The following CDH4 variants were observed in gnomAD, a reference collection of about 807,000 sequenced individuals.
The protein encoded by CDH4 is cadherin 4.
Under a neutral mutation model 86.0 loss-of-function variants are expected in CDH4, and 33 were observed. That is an observed-to-expected ratio of 0.38 (90% CI 0.29 to 0.51). The LOEUF (loss-of-function observed/expected upper bound fraction) is 0.51. CDH4 is among the 20% of genes least tolerant of loss of function. CDH4 has a pLI of 0.86. For synonymous variants in CDH4, 555 were observed against 549.4 expected (o/e 1.01, Z -0.14); for missense variants, 1,114 against 1,307.4 (o/e 0.85, Z 2.28).
intron 2 of CDH4, among the ~76,000 whole-genome samples, chr20:61,673,305 A>G (rs2087410750): frequency 6.6e-6 from 1 of 152,224 alleles, no homozygotes; most frequent in Non-Finnish European, 1.5e-5. Flanking sequence ...CGGCAGCTGC[A>G]GCATGAGTCC....
chr20:61,851,597 T>C (rs1487295942), intron 5 of CDH4, among the ~76,000 whole-genome samples: 2 of 152,160 alleles, frequency 1.3e-5, no homozygotes, highest in African/African-American at 2.4e-5. Context: ...TCGAGGGTGA[T>C]GTGGAGTTTT....
intron 8 of CDH4, among the ~76,000 whole-genome samples, chr20:61,898,737 C>G (rs1290755632): frequency 6.6e-6 from 1 of 152,214 alleles, no homozygotes; most frequent in Non-Finnish European, 1.5e-5. Flanking sequence ...TCCCGGCTTT[C>G]CACCTAGAAT....
intron 2 of CDH4, 70 bp downstream of exon 2, chr20:61,255,007 G>C (rs1015819590): frequency 1.1e-6 from 1 of 904,764 alleles, no homozygotes; most frequent in South Asian, 1.3e-5. Flanking sequence ...ATGTAGATGG[G>C]AGAGGCAAGG....
intron 6 of CDH4, among the ~76,000 whole-genome samples, chr20:61,858,391 G>C (rs1983157605): frequency 6.7e-6 from 1 of 148,428 alleles, no homozygotes. Flanking sequence ...GTGTATCTGT[G>C]TCTCTGTGTC....
intron 2 of CDH4, among the ~76,000 whole-genome samples, chr20:61,512,452 C>T (rs1157851221): frequency 6.6e-6 from 1 of 152,188 alleles, no homozygotes; most frequent in Non-Finnish European, 1.5e-5. Context: ...GGTCCAAGGC[C>T]TAGAAGAAAG....
intron 2 of CDH4, among the ~76,000 whole-genome samples, chr20:61,383,217 G>T (rs997289502): frequency 3.2e-5 from 2 of 61,542 alleles, no homozygotes; most frequent in Non-Finnish European, 6.3e-5. Context: ...GAATATATAT[G>T]AATATATTAT....
rs2084848619 is a variant in CDH4, at chr20:61,372,982, A to T, written c.169+118045A>T. On this transcript the variant is annotated intron_variant, in intron 2 of 15. Coordinates refer to ENST00000614565, the MANE Select transcript of CDH4 (RefSeq NM_001794.5). ...GCATGCATTTCACACGATACTTCAG[A>T]TTTTTTTTTCATTTAGATGTTAACG... 3.3e-5 allele frequency among the ~76,000 whole-genome samples: 5 copies of T among 151,906 alleles called. No homozygotes were observed. The South Asian group carries it at 1.0e-3, about 32-fold the overall frequency.
intron 2 of CDH4, among the ~76,000 whole-genome samples, chr20:61,312,780 C>G (rs1452272578): frequency 3.9e-5 from 6 of 152,180 alleles, no homozygotes; most frequent in African/African-American, 9.7e-5. Context: ...CAGAACAGAG[C>G]TCGAGCTCTG....
chr20:61,736,409 C>G (rs1183038166), intron 2 of CDH4, among the ~76,000 whole-genome samples: 2 of 152,178 alleles, frequency 1.3e-5, no homozygotes, highest in East Asian at 1.9e-4. Context: ...AAGCCCTCCC[C>G]ACCTGTCCAC....
At chr20:61,390,310 G>A (rs1186348780) in intron 2 of CDH4, among the ~76,000 whole-genome samples, 14 of 140,686 alleles carry the variant, frequency 1.0e-4, no homozygotes, top group Admixed American at 2.1e-4. Flanking sequence ...GATTGAGATC[G>A]TGCAGTCATA....
chr20:61,542,003 C>T (rs992253117), intron 2 of CDH4, among the ~76,000 whole-genome samples: 7 of 152,110 alleles, frequency 4.6e-5, no homozygotes, highest in South Asian at 2.1e-4. Flanking sequence ...CACCACATGC[C>T]GAACCATTTA....
chr20:61,560,916 A>AG (rs1220144624), intron 2 of CDH4, among the ~76,000 whole-genome samples: 3 of 152,182 alleles, frequency 2.0e-5, no homozygotes, highest in Non-Finnish European at 4.4e-5. Context: ...CCCGGATGAG[A>AG]GGGACGGGCC....
intron 2 of CDH4, among the ~76,000 whole-genome samples, chr20:61,357,218 T>C (rs1358152545): frequency 6.6e-6 from 1 of 152,238 alleles, no homozygotes; most frequent in African/African-American, 2.4e-5. Context: ...CCCTCGCTTC[T>C]TCTCTATAAT....
intron 2 of CDH4, among the ~76,000 whole-genome samples, chr20:61,605,449 CTTTCTCTGTCTCTG>C (rs938509559): frequency 6.6e-6 from 1 of 151,894 alleles, no homozygotes; most frequent in African/African-American, 2.4e-5. Flanking sequence ...CCCTCTCTCT[CTTTCTCTGTCTCTG>C]TCTCTCTATT....
intron 2 of CDH4, among the ~76,000 whole-genome samples, chr20:61,390,257 G>A (rs1205323603): frequency 2.9e-4 from 36 of 126,028 alleles, no homozygotes; most frequent in East Asian, 2.1e-3. Flanking sequence ...AATTGGGTTC[G>A]TGCGGTCATA....
intron 4 of CDH4, among the ~76,000 whole-genome samples, chr20:61,789,248 C>T (rs1023475383): frequency 3.3e-5 from 5 of 152,156 alleles, no homozygotes; most frequent in Admixed American, 2.0e-4. Flanking sequence ...GAGTGGTTTT[C>T]GATGGAGTTA....
At chr20:61,328,587 C>A (rs968691574) in intron 2 of CDH4, among the ~76,000 whole-genome samples, 2 of 152,108 alleles carry the variant, frequency 1.3e-5, no homozygotes, top group Non-Finnish European at 2.9e-5. Flanking sequence ...AGTTCAAGAC[C>A]AGTCTGGGCA....
intron 2 of CDH4, among the ~76,000 whole-genome samples, chr20:61,328,789 A>C (rs2084551506): frequency 6.6e-6 from 1 of 152,362 alleles, no homozygotes; most frequent in South Asian, 2.1e-4. Context: ...TGTCTCAAAA[A>C]TAAATAAATT....
At chr20:61,596,157 G>C (rs1470510469) in intron 2 of CDH4, among the ~76,000 whole-genome samples, 1 of 152,218 alleles carries the variant, frequency 6.6e-6, no homozygotes, top group East Asian at 1.9e-4. Context: ...TCAGTGCTGG[G>C]ATAAAGTATT....
Sources: allele counts gnomAD v4.1 joint callset (sites outside exome capture counted in the v4.1 genomes callset), GRCh38; gene constraint gnomAD v4.1.1; transcripts MANE v1.5; gene names NCBI Gene and HGNC (gene_info 2026-07-23, HGNC 2026-07-21).